Variants in DCP1A observed in about 807,000 individuals in gnomAD.
The protein encoded by DCP1A is mRNA-decapping enzyme 1A.
A neutral mutation model predicts 58.0 loss-of-function variants in DCP1A; 20 were observed. The observed-to-expected ratio is 0.34, with a 90% CI of 0.24 to 0.50. The LOEUF is 0.50. DCP1A is among the 20% of genes least tolerant of loss of function. The pLI is 0.98. For missense variants in DCP1A, 613 were observed against 712.2 expected (o/e 0.86, Z 1.59); for synonymous variants, 285 against 275.1 (o/e 1.04, Z -0.36).
chr3:53,331,588 GA>G (rs1345273223), intron 3 of DCP1A, among the ~76,000 whole-genome samples: 1 of 148,890 alleles, frequency 6.7e-6, no homozygotes, highest in African/African-American at 2.5e-5. Flanking sequence ...TACACTCTAT[GA>G]TGTGCATACA....
At position 53,292,460 on chromosome 3, in the gene DCP1A, A is replaced by T. The variant is rs782753531; in HGVS notation, c.992T>A (p.Val331Asp). The change falls in exon 7 of 10, where the codon GTT becomes GAT. Residue 331 changes from valine (V) to aspartate (D), a missense_variant. By Grantham distance (152) the Val-to-Asp change is radical. Around this residue, in one of 3 missense-constraint regions of DCP1A, gnomAD observed 498 missense variants for 556.7 expected, o/e 0.89. Transcript: ENST00000610213. The stretch of plus-strand genomic sequence containing the variant: ...GCTGTTTCGAGGTAAGCTGGGGGGA[A>T]CCTGTGCAGTAGGAGCTTCAGCTGG... ...TLPAEAPTAQ[V>D]PPSLPRNSTM... 31 of 1,613,804 alleles carry T rather than the reference A, an allele frequency of 1.9e-5. No homozygotes were observed. The highest frequency in any genetic ancestry group is 1.5e-4 in the African/African-American group (11 of 74,892).
intron 3 of DCP1A, among the ~76,000 whole-genome samples, chr3:53,341,484 A>C (rs868967211): frequency 5.9e-5 from 9 of 152,052 alleles, no homozygotes; most frequent in Admixed American, 1.3e-4. Context: ...AGTAATAATA[A>C]TACTTTCTTT....
intron 3 of DCP1A, among the ~76,000 whole-genome samples, chr3:53,324,914 C>A (rs1455759339): frequency 2.0e-5 from 3 of 151,558 alleles, no homozygotes; most frequent in Non-Finnish European, 4.4e-5. Context: ...TGTGATAGGA[C>A]ATTTCATTGC....
chr3:53,347,528 A>G lies in DCP1A; in HGVS notation c.-11T>C, dbSNP rs781886613. ...ACTCAGCGCCTCCATCTTGAATCCC[A>G]GAGCCTAGCCCCTCTGGTGGGGGCG... On this transcript the variant is annotated 5_prime_UTR_variant, in exon 1 of 10. Coordinates refer to ENST00000610213, the MANE Select transcript of DCP1A (RefSeq NM_018403.7). The G allele has an allele frequency of 1.2e-6, 2 of 1,607,926 alleles. No homozygotes were observed. Among genetic ancestry groups the G allele is most frequent in the South Asian group, 2.2e-5 (2 of 90,616 alleles).
intron 4 of DCP1A, among the ~76,000 whole-genome samples, chr3:53,312,696 G>A (rs1339342767): frequency 2.6e-5 from 4 of 151,820 alleles, no homozygotes; most frequent in African/African-American, 9.7e-5. Flanking sequence ...GGGTTTCACC[G>A]TGTTAGCCAG....
At chr3:53,293,035 T>C (rs1553686398) in intron 6 of DCP1A, among the ~76,000 whole-genome samples, 1 of 152,116 alleles carries the variant, frequency 6.6e-6, no homozygotes, top group Non-Finnish European at 1.5e-5. Flanking sequence ...GCATTGGTAA[T>C]ATAATTCAAA....
intron 4 of DCP1A, 58 bp downstream of exon 4, chr3:53,319,349 G>T: frequency 9.3e-7 from 1 of 1,080,290 alleles, no homozygotes; most frequent in South Asian, 1.6e-5. Context: ...GAAGTGGGAG[G>T]GGATTATTTT....
At chr3:53,334,161 G>A (rs906025779) in intron 3 of DCP1A, among the ~76,000 whole-genome samples, 8 of 152,088 alleles carry the variant, frequency 5.3e-5, no homozygotes, top group Non-Finnish European at 1.2e-4. Context: ...CTACTTGGGA[G>A]GCTGAAATGG....
intron 7 of DCP1A, among the ~76,000 whole-genome samples, chr3:53,291,344 C>A (rs1218551865): frequency 6.6e-6 from 1 of 151,992 alleles, no homozygotes; most frequent in African/African-American, 2.4e-5. Context: ...TAATTATACC[C>A]TTTTCATTAT....
chr3:53,315,970 G>A (rs1014996437), intron 4 of DCP1A, among the ~76,000 whole-genome samples: 1 of 151,928 alleles, frequency 6.6e-6, no homozygotes, highest in Non-Finnish European at 1.5e-5. Context: ...TGGCCAGGAT[G>A]GTCTCGATCT....
At chr3:53,341,976 C>T (rs1553692584) in intron 3 of DCP1A, among the ~76,000 whole-genome samples, 168 bp downstream of exon 3, 1 of 152,028 alleles carries the variant, frequency 6.6e-6, no homozygotes, top group African/African-American at 2.4e-5. Flanking sequence ...CACCTCTGGC[C>T]TCAGAGCCCA....
chr3:53,308,821 A>T (rs1422824150), intron 5 of DCP1A, among the ~76,000 whole-genome samples: 4 of 151,988 alleles, frequency 2.6e-5, no homozygotes, highest in Non-Finnish European at 4.4e-5. Flanking sequence ...GGGTGGTCTG[A>T]AACTCGTGGA....
At position 53,319,395 on chromosome 3, in the gene DCP1A, T is replaced by C. The variant is rs371668784; in HGVS notation, c.371+12A>G. The C allele has an allele frequency of 7.4e-5, 112 of 1,506,880 alleles. No individual in the cohort carries two copies. The highest frequency in any genetic ancestry group is 1.7e-4 in the Middle Eastern group (1 of 5,906). 93.3% of individuals were successfully genotyped at this position (1,506,880 alleles called of 1,614,324 possible). A position where few individuals can be genotyped will look rare whatever the true frequency, so the allele number is the denominator to read the frequency against. On this transcript the variant is annotated intron_variant, in intron 4 of 9. Transcript: ENST00000610213. ...CATATCATCAGTTAAATTTATGGAG[T>C]AATATACTTACTCAGCCATGAGTTT...
intron 3 of DCP1A, among the ~76,000 whole-genome samples, chr3:53,333,396 G>A (rs1427346440): frequency 1.3e-5 from 2 of 151,578 alleles, no homozygotes; most frequent in Non-Finnish European, 2.9e-5. Flanking sequence ...CACCCTCCTC[G>A]GCCTCCCAAA....
At chr3:53,309,077 A>G (rs1553688394) in intron 5 of DCP1A, among the ~76,000 whole-genome samples, 1 of 152,220 alleles carries the variant, frequency 6.6e-6, no homozygotes, top group East Asian at 1.9e-4. Flanking sequence ...TACATAAAAA[A>G]TAAGAAAGTT....
intron 6 of DCP1A, among the ~76,000 whole-genome samples, chr3:53,297,594 C>T (rs1553686931): frequency 6.6e-6 from 1 of 152,136 alleles, no homozygotes; most frequent in Non-Finnish European, 1.5e-5. Flanking sequence ...CTTCTGACCT[C>T]AGGTGATCTG....
In DCP1A at chr3:53,347,504, C is replaced by T; in HGVS notation, c.14G>A (p.Ser5Asn). The T allele has an allele frequency of 6.2e-7, 1 of 1,612,130 alleles. No individual in the cohort carries two copies. Among genetic ancestry groups the T allele is most frequent in the South Asian group, 1.1e-5 (1 of 90,996 alleles). Residue 5 changes from serine (S) to asparagine (N), a missense_variant, in exon 1 of 10, where the codon AGT (serine) becomes AAT (asparagine). Ser to Asn is a conservative substitution (Grantham distance 46). Transcript: ENST00000610213. Reference sequence around the variant, plus strand: ...TAGGCTCATCTCCTGCCCAGCTCGACTCAGCGCCTCCATCTTGAATCCCAG... The same window carrying T: ...TAGGCTCATCTCCTGCCCAGCTCGATTCAGCGCCTCCATCTTGAATCCCAG... MEAL[S>N]RAGQEMSLAA...
Position 53,290,838 on chromosome 3 carries a change from C to T in DCP1A, c.1402G>A (p.Asp468Asn), listed in dbSNP as rs1553685886. The change falls in exon 8 of 10, where the codon GAT becomes AAT. Residue 468 changes from aspartate to asparagine, a missense_variant. By Grantham distance (23) the Asp-to-Asn change is conservative. Coordinates refer to ENST00000610213, the MANE Select transcript of DCP1A (RefSeq NM_018403.7). The stretch of plus-strand genomic sequence containing the variant: ...TTAGGCTGCACAAATACTTCAGGAT[C>T]CTGGTTCTGCTGCATAGACTGAAAT... ...APLQSMQQNQ[D>N]PEVFVQPKVL... The T allele has an allele frequency of 6.2e-7, 1 of 1,610,874 alleles. No homozygotes were observed. The highest frequency in any genetic ancestry group is 8.5e-7 in the Non-Finnish European group (1 of 1,178,988).
At chr3:53,337,527 A>G (rs1039751421) in intron 3 of DCP1A, among the ~76,000 whole-genome samples, 1 of 152,248 alleles carries the variant, frequency 6.6e-6, no homozygotes, top group Admixed American at 6.5e-5. Context: ...AGTGGTTTAA[A>G]TGATTTAGCC....
Sources: allele counts gnomAD v4.1 joint callset (sites outside exome capture counted in the v4.1 genomes callset), GRCh38; gene constraint gnomAD v4.1.1; regional missense constraint gnomAD v4.1.1; transcripts MANE v1.5; gene names NCBI Gene and HGNC (gene_info 2026-07-23, HGNC 2026-07-21).